Variants in GALNT15 observed in about 807,000 individuals in gnomAD.
GALNT15 encodes UDP-GalNAc transferase T15.
A neutral mutation model predicts 66.8 loss-of-function variants in GALNT15; 67 were observed. That is an observed-to-expected ratio of 1.00 (90% CI 0.82 to 1.23). GALNT15 has a LOEUF of 1.23. GALNT15 is among the 50% of genes most tolerant of loss of function. GALNT15 has a pLI of 0.00. For synonymous variants in GALNT15, 313 were observed against 311.5 expected, an observed-to-expected ratio of 1.00 and a Z score of -0.05; for missense variants, 827 against 804.3, an observed-to-expected ratio of 1.03 and a Z score of -0.34.
intron 9 of GALNT15, among the ~76,000 whole-genome samples, chr3:16,223,717 G>A (rs1327598346): frequency 7.0e-6 from 1 of 142,436 alleles, no homozygotes; most frequent in Non-Finnish European, 1.5e-5. Flanking sequence ...TTTTGGGACA[G>A]TGTCTCACTC....
Position 16,175,769 on chromosome 3 carries a change from C to T in GALNT15, c.539+79C>T, listed in dbSNP as rs2063402763. 7.0e-6 allele frequency: 9 copies of T among 1,278,932 alleles called. No individual in the cohort carries two copies. Among genetic ancestry groups the T allele is most frequent in the African/African-American group, 4.5e-5 (3 of 66,876 alleles). 79.2% of individuals were successfully genotyped at this position (1,278,932 alleles called of 1,614,324 possible). ...AGCAAACTCGGGAATGCAAACTTTC[C>T]GTAGCCTGCCTCTCCTGACTTAGAG... is the stretch of plus-strand genomic sequence containing the variant. On this transcript the variant is annotated intron_variant, in intron 1 of 9. Coordinates refer to ENST00000339732, the MANE Select transcript of GALNT15 (RefSeq NM_054110.5). The surrounding 1 kb of genome is among the most constrained non-coding windows in gnomAD (Gnocchi z 5.6).
rs1356339544 is a variant in GALNT15, at chr3:16,227,246, C to T, written c.1774-108C>T. 1.3e-5 allele frequency: 16 copies of T among 1,185,830 alleles called. No individual in the cohort carries two copies. Among genetic ancestry groups the T allele is most frequent in the African/African-American group, 7.7e-5 (5 of 64,984 alleles). The allele number at this position is 1,185,830 out of a possible 1,614,324, so 73.5% of individuals were successfully genotyped here. ...CACAATTCCTTTCCAGGCCAGTTCA[C>T]ACCATCTGTTATTCTCTTAATGATT... On this transcript the variant is annotated intron_variant, in intron 9 of 9. Transcript: ENST00000339732. The surrounding 1 kb of genome is among the most constrained non-coding windows in gnomAD (Gnocchi z 4.5).
At chr3:16,231,749 C>A (rs775722254), downstream of GALNT15, 15 of 1,409,536 alleles carry the variant, frequency 1.1e-5, 1 homozygote, top group South Asian at 1.7e-4. This position sits in a 1 kb window ranked among gnomAD's most constrained non-coding sequence, Gnocchi z 4.1. Flanking sequence ...TAAAATGATA[C>A]AGTCCTTCCT....
Position 16,184,326 on chromosome 3 carries a change from G to T in GALNT15, c.539+8636G>T, listed in dbSNP as rs906650942. Among the ~76,000 whole-genome samples the T allele has an allele frequency of 6.6e-6, 1 of 152,164 alleles. No homozygotes were observed. The highest frequency in any genetic ancestry group is 1.5e-5 in the Non-Finnish European group (1 of 68,030). ...CTGCATAAGTCCCTAGTCACTTGGG[G>T]CCTTGCTTTATGATGTTCAAGAGCC... On this transcript the variant is annotated intron_variant, in intron 1 of 9. Transcript: ENST00000339732. This position sits in a 1 kb window ranked among gnomAD's most constrained non-coding sequence, Gnocchi z 5.0.
At position 16,181,166 on chromosome 3, in the gene GALNT15, A is replaced by G. The variant is rs967176477; in HGVS notation, c.539+5476A>G. ...CTGTCCTTTTTCTGACTGAAAAGTT[A>G]TTTTCTGGCCCTGGAGGCTGCTAAA... On this transcript the variant is annotated intron_variant, in intron 1 of 9. Transcript: ENST00000339732. The surrounding 1 kb of genome is among the most constrained non-coding windows in gnomAD (Gnocchi z 5.9). Among the ~76,000 whole-genome samples the G allele has an allele frequency of 6.6e-6, 1 of 152,078 alleles. No homozygotes were observed. The highest frequency in any genetic ancestry group is 1.5e-5 in the Non-Finnish European group (1 of 68,022).
chr3:16,228,068 T>G lies in GALNT15; in HGVS notation c.*568T>G. 1 of 986,298 alleles carries G rather than the reference T, an allele frequency of 1.0e-6. No individual in the cohort carries two copies. The highest frequency in any genetic ancestry group is 1.7e-5 in the African/African-American group (1 of 57,366). 61.1% of individuals were successfully genotyped at this position (986,298 alleles called of 1,614,324 possible). ...AGGAGGTTTAGGATTGCAGAGAAGA[T>G]GCAAGAGCACTTTGGCCCAATTCTC... On this transcript the variant is annotated 3_prime_UTR_variant, in exon 10 of 10. Coordinates refer to ENST00000339732, the MANE Select transcript of GALNT15 (RefSeq NM_054110.5).
chr3:16,241,371 TGAAGAG>T, the GALNT15 span, among the ~76,000 whole-genome samples: 1 of 152,174 alleles, frequency 6.6e-6, no homozygotes, highest in Admixed American at 6.5e-5. The surrounding 1 kb of genome is among the most constrained non-coding windows in gnomAD (Gnocchi z 4.6). Flanking sequence ...ATTTAGACAC[TGAAGAG>T]GTCTTATTTG....
At chr3:16,243,481 G>A in the GALNT15 span, among the ~76,000 whole-genome samples, 1 of 152,214 alleles carries the variant, frequency 6.6e-6, no homozygotes, top group Non-Finnish European at 1.5e-5. Context: ...GTTGGCACTG[G>A]CCAGCTTCCC....
At position 16,189,727 on chromosome 3, in the gene GALNT15, C is replaced by T. The variant is rs2063554056; in HGVS notation, c.540-6033C>T. On this transcript the variant is annotated intron_variant, in intron 1 of 9. Coordinates refer to ENST00000339732, the MANE Select transcript of GALNT15 (RefSeq NM_054110.5). This position sits in a 1 kb window ranked among gnomAD's most constrained non-coding sequence, Gnocchi z 5.1. ...GCTAGCTAGCATTTTGGGGCTCTTA[C>T]TATGCATAAGTACTTCAAATGTATT... Among the ~76,000 whole-genome samples, 1 of 152,232 alleles carries T rather than the reference C, an allele frequency of 6.6e-6. No homozygotes were observed. The highest frequency in any genetic ancestry group is 2.1e-4 in the South Asian group (1 of 4,830).
Position 16,224,811 on chromosome 3 carries a change from T to G in GALNT15, c.1773+2053T>G, listed in dbSNP as rs1322475328. 6.6e-6 allele frequency among the ~76,000 whole-genome samples: 1 copy of G among 151,982 alleles called. No homozygotes were observed. The highest frequency in any genetic ancestry group is 2.1e-4 in the South Asian group (1 of 4,802). ...GCCACCATGCCCAGCTAATTTTGTA[T>G]TTTTAGTAGAGACGGGGTTTCCTCC... On this transcript the variant is annotated intron_variant, in intron 9 of 9. Coordinates refer to ENST00000339732, the MANE Select transcript of GALNT15 (RefSeq NM_054110.5). This position sits in a 1 kb window ranked among gnomAD's most constrained non-coding sequence, Gnocchi z 5.2.
chr3:16,233,094 C>CTTTTTTTTTTTTTTGTTTTTTT (rs2064099893), downstream of GALNT15, among the ~76,000 whole-genome samples: 1 of 61,208 alleles, frequency 1.6e-5, no homozygotes. Context: ...GATAATGCAT[C>CTTTTTTTTTTTTTTGTTTTTTT]TTTTTTTTTT....
intron 1 of GALNT15, among the ~76,000 whole-genome samples, chr3:16,179,689 A>G (rs540401064): frequency 6.6e-6 from 1 of 152,222 alleles, no homozygotes; most frequent in Non-Finnish European, 1.5e-5. Flanking sequence ...TCATTAGGGG[A>G]AATGTAAATC....
At chr3:16,233,092 A>ATGTTTTTTTTTTTTT (rs771943641), downstream of GALNT15, among the ~76,000 whole-genome samples, 2 of 48,052 alleles carry the variant, frequency 4.2e-5, no homozygotes, top group African/African-American at 1.8e-4. Context: ...AGGATAATGC[A>ATGTTTTTTTTTTTTT]TCTTTTTTTT....
Position 16,227,232 on chromosome 3 carries a change from T to C in GALNT15, c.1774-122T>C. Reference sequence around the variant, plus strand: ...GTTGATCAAAATACCACAATTCCTTTCCAGGCCAGTTCACACCATCTGTTA... The same window carrying C: ...GTTGATCAAAATACCACAATTCCTTCCCAGGCCAGTTCACACCATCTGTTA... On this transcript the variant is annotated intron_variant, in intron 9 of 9. Coordinates refer to ENST00000339732, the MANE Select transcript of GALNT15 (RefSeq NM_054110.5). This position sits in a 1 kb window ranked among gnomAD's most constrained non-coding sequence, Gnocchi z 4.5. The C allele has an allele frequency of 9.6e-7, 1 of 1,046,236 alleles. No individual in the cohort carries two copies. Among genetic ancestry groups the C allele is most frequent in the South Asian group, 1.6e-5 (1 of 60,996 alleles). The allele number at this position is 1,046,236 out of a possible 1,614,324, so 64.8% of individuals were successfully genotyped here. A position where few individuals can be genotyped will look rare whatever the true frequency, so the allele number is the denominator to read the frequency against.
chr3:16,197,826 C>T (rs933710035), intron 2 of GALNT15, among the ~76,000 whole-genome samples: 1 of 152,140 alleles, frequency 6.6e-6, no homozygotes, highest in South Asian at 2.1e-4. Context: ...CAGCTTTTTC[C>T]GAGCACTATA....
rs549585131 is a variant in GALNT15 at position 16,175,801 on chromosome 3, C to G, written c.539+111C>G. ...TGCCTCTCCTGACTTAGAGCAAGTGCTTTTCAAGATGCAGTACCTGGGCCA... is the reference window on the plus strand; with the variant it reads ...TGCCTCTCCTGACTTAGAGCAAGTGGTTTTCAAGATGCAGTACCTGGGCCA... On this transcript the variant is annotated intron_variant, in intron 1 of 9. Transcript: ENST00000339732. This position sits in a 1 kb window ranked among gnomAD's most constrained non-coding sequence, Gnocchi z 5.6. 3 of 1,003,582 alleles carry G rather than the reference C, an allele frequency of 3.0e-6. No individual in the cohort carries two copies. The East Asian group carries it at 7.9e-5, about 26-fold the overall frequency. The allele number at this position is 1,003,582 out of a possible 1,614,324, so 62.2% of individuals were successfully genotyped here. A position where few individuals can be genotyped will look rare whatever the true frequency, so the allele number is the denominator to read the frequency against.
intron 9 of GALNT15, among the ~76,000 whole-genome samples, chr3:16,223,939 C>A (rs1397713274): frequency 6.6e-6 from 1 of 152,090 alleles, no homozygotes; most frequent in African/African-American, 2.4e-5. Context: ...GGTGATCCAC[C>A]CACTCGGCCT....
chr3:16,220,693 A>G (rs974825685), intron 8 of GALNT15, among the ~76,000 whole-genome samples: 5 of 152,186 alleles, frequency 3.3e-5, no homozygotes, highest in African/African-American at 4.8e-5. Flanking sequence ...TAAAACAAAC[A>G]TCAAAGTATA....
At chr3:16,242,595 C>T in the GALNT15 span, among the ~76,000 whole-genome samples, 15 of 149,264 alleles carry the variant, frequency 1.0e-4, no homozygotes, top group African/African-American at 3.7e-4. This position sits in a 1 kb window ranked among gnomAD's most constrained non-coding sequence, Gnocchi z 5.6. Flanking sequence ...CAATCTCTAC[C>T]AAAAAAAAAT....
Sources: allele counts gnomAD v4.1 joint callset (sites outside exome capture counted in the v4.1 genomes callset), GRCh38; gene constraint gnomAD v4.1.1; non-coding constraint Gnocchi (gnomAD v3.1); transcripts MANE v1.5; gene names NCBI Gene and HGNC (gene_info 2026-07-23, HGNC 2026-07-21).